ADAMTSL1: variants seen among roughly 807,000 people sequenced by gnomAD.
The protein encoded by ADAMTSL1 is ADAMTS like 1, also known as ADAMTS-like protein 1.
A neutral mutation model predicts 201.8 loss-of-function variants in ADAMTSL1; 126 were observed. The ratio of observed to expected loss-of-function variants is 0.62; its 90% CI spans 0.54 to 0.72. ADAMTSL1 has a LOEUF of 0.72. Ranked by LOEUF, ADAMTSL1 falls within the 30% of genes least tolerant of loss-of-function variation. The pLI, the probability that ADAMTSL1 is intolerant of heterozygous loss-of-function variation, is 0.00. For missense variants in ADAMTSL1, 2,679 were observed against 2,277.8 expected (o/e 1.18, Z -3.59); for synonymous variants, 1,121 against 903.4 (o/e 1.24, Z -4.32).
At chr9:17,920,269 G>A (rs1185904628) in intron 1 of ADAMTSL1, among the ~76,000 whole-genome samples, 5 of 152,092 alleles carry the variant, frequency 3.3e-5, no homozygotes, top group African/African-American at 1.2e-4. Context: ...TGCCCTGCTA[G>A]CATTCCTCCT....
At chr9:18,453,086 C>T (rs1205096696) in intron 2 of ADAMTSL1, among the ~76,000 whole-genome samples, 1 of 152,190 alleles carries the variant, frequency 6.6e-6, no homozygotes, top group African/African-American at 2.4e-5. Flanking sequence ...AAGCCATGCC[C>T]GCACAGCTCT....
chr9:18,350,296 G>T (rs2133021343), intron 2 of ADAMTSL1, among the ~76,000 whole-genome samples: 1 of 152,142 alleles, frequency 6.6e-6, no homozygotes, highest in African/African-American at 2.4e-5. Context: ...CCTGAAGAGA[G>T]GTCTGAATGT....
intron 9 of ADAMTSL1, among the ~76,000 whole-genome samples, chr9:18,671,640 G>A (rs1439173993): frequency 6.6e-6 from 1 of 152,166 alleles, no homozygotes; most frequent in Non-Finnish European, 1.5e-5. Flanking sequence ...TAGTTATCAG[G>A]AAATCAGAAA....
chr9:18,416,905 A>G (rs986054330), intron 2 of ADAMTSL1, among the ~76,000 whole-genome samples: 2 of 152,002 alleles, frequency 1.3e-5, no homozygotes, highest in Non-Finnish European at 2.9e-5. Flanking sequence ...GAACAACACA[A>G]TCAGCTAATT....
At chr9:18,146,417 G>A (rs575215851) in intron 1 of ADAMTSL1, among the ~76,000 whole-genome samples, 1 of 152,082 alleles carries the variant, frequency 6.6e-6, no homozygotes, top group Non-Finnish European at 1.5e-5. Context: ...GCCATGCAAA[G>A]GTATTGATGA....
chr9:18,658,725 T>G (rs1376422333), intron 8 of ADAMTSL1, among the ~76,000 whole-genome samples: 1 of 152,230 alleles, frequency 6.6e-6, no homozygotes, highest in East Asian at 1.9e-4. Context: ...TCATCATAAT[T>G]ATAGTGTTTA....
At chr9:18,256,895 A>C (rs755612364) in intron 2 of ADAMTSL1, among the ~76,000 whole-genome samples, 8 of 151,932 alleles carry the variant, frequency 5.3e-5, no homozygotes, top group East Asian at 1.9e-4. Flanking sequence ...AGAGTTTTAA[A>C]CCCCCACTGA....
chr9:18,813,285 C>G (rs1823629490), intron 20 of ADAMTSL1, among the ~76,000 whole-genome samples: 1 of 152,098 alleles, frequency 6.6e-6, no homozygotes. Flanking sequence ...ACTTTTCGCT[C>G]AAGGTTTCTT....
At chr9:18,552,515 T>C (rs1820849933) in intron 3 of ADAMTSL1, among the ~76,000 whole-genome samples, 1 of 151,852 alleles carries the variant, frequency 6.6e-6, no homozygotes, top group Admixed American at 6.6e-5. Context: ...GTAGAGAACA[T>C]GTTTTCCTGC....
intron 2 of ADAMTSL1, among the ~76,000 whole-genome samples, chr9:18,518,851 G>A (rs139732354): frequency 6.6e-6 from 1 of 152,294 alleles, no homozygotes; most frequent in East Asian, 1.9e-4. Flanking sequence ...GGGATTACAG[G>A]CATGCGCCAT....
chr9:18,245,543 G>C (rs545527555), intron 2 of ADAMTSL1, among the ~76,000 whole-genome samples: 2 of 152,122 alleles, frequency 1.3e-5, no homozygotes, highest in South Asian at 2.1e-4. Flanking sequence ...GGAATTATGG[G>C]GTTGAGAAAA....
chr9:18,644,871 A>T (rs1827689297), intron 7 of ADAMTSL1, among the ~76,000 whole-genome samples: 1 of 151,876 alleles, frequency 6.6e-6, no homozygotes, highest in South Asian at 2.1e-4. Flanking sequence ...TCTTTATAGC[A>T]GCATGATTTA....
At chr9:18,480,939 A>T (rs1330370865) in intron 1 of ADAMTSL1, among the ~76,000 whole-genome samples, 3 of 152,132 alleles carry the variant, frequency 2.0e-5, no homozygotes, top group African/African-American at 7.2e-5. Flanking sequence ...AAACAGTTGA[A>T]ATCTCCTGGG....
chr9:18,177,757 T>A (rs1828239915), intron 2 of ADAMTSL1, among the ~76,000 whole-genome samples: 1 of 152,122 alleles, frequency 6.6e-6, no homozygotes, highest in Non-Finnish European at 1.5e-5. Flanking sequence ...TCTTTTTATA[T>A]CTCACTGGCA....
intron 2 of ADAMTSL1, among the ~76,000 whole-genome samples, chr9:18,309,473 G>A (rs773959446): frequency 5.9e-5 from 9 of 152,076 alleles, no homozygotes; most frequent in Non-Finnish European, 8.8e-5. Flanking sequence ...AAGCTGATAA[G>A]CAACTTCAGC....
chr9:18,662,377 G>A (rs535291743), intron 9 of ADAMTSL1, among the ~76,000 whole-genome samples: 6 of 152,132 alleles, frequency 3.9e-5, no homozygotes, highest in South Asian at 2.1e-4. Flanking sequence ...CCTTAACAAG[G>A]TCCAGGCCAA....
intron 1 of ADAMTSL1, among the ~76,000 whole-genome samples, chr9:17,907,647 G>A (rs937797254): frequency 6.6e-6 from 1 of 152,312 alleles, no homozygotes; most frequent in Non-Finnish European, 1.5e-5. Flanking sequence ...GGCGCGGAAG[G>A]GCCCTGGGAG....
intron 1 of ADAMTSL1, among the ~76,000 whole-genome samples, chr9:18,068,380 C>T (rs960487314): frequency 6.6e-6 from 1 of 152,074 alleles, no homozygotes; most frequent in African/African-American, 2.4e-5. Flanking sequence ...ATAGCATTTA[C>T]CTTGAATTAG....
At chr9:18,537,409 C>A (rs950045348) in intron 3 of ADAMTSL1, among the ~76,000 whole-genome samples, 2 of 152,114 alleles carry the variant, frequency 1.3e-5, no homozygotes, top group African/African-American at 4.8e-5. Flanking sequence ...CTGTGAAGTA[C>A]AAGAGAGTTT....
Sources: gnomAD v4.1 joint callset for allele counts (sites outside exome capture counted in the v4.1 genomes callset) on GRCh38, gnomAD v4.1.1 for gene constraint, MANE v1.5 for transcripts, NCBI Gene and HGNC (gene_info 2026-07-23, HGNC 2026-07-21) for gene names.